The following SEC63 variants were observed in gnomAD, a reference collection of about 807,000 sequenced individuals.
SEC63 encodes the protein SEC63 protein translocation regulator, also known as translocation protein SEC63 homolog.
In SEC63, 56 loss-of-function variants were observed where a neutral mutation model predicts 116.2. The ratio of observed to expected loss-of-function variants is 0.48; its 90% CI spans 0.39 to 0.60. The LOEUF (loss-of-function observed/expected upper bound fraction) is 0.60. Ranked by LOEUF, SEC63 falls within the 20% of genes least tolerant of loss-of-function variation. The pLI, the probability that SEC63 is intolerant of heterozygous loss-of-function variation, is 0.00. For synonymous variants in SEC63, 273 were observed against 294.6 expected (o/e 0.93, Z 0.75); for missense variants, 668 against 900.0 (o/e 0.74, Z 3.30).
intron 4 of SEC63, among the ~76,000 whole-genome samples, chr6:107,917,207 C>A (rs1216672074): frequency 1.3e-5 from 2 of 152,230 alleles, no homozygotes; most frequent in East Asian, 1.9e-4. Context: ...TAATTCGGCC[C>A]ATCCCTTCAT....
chr6:107,900,496 A>C (rs913561374), intron 13 of SEC63, among the ~76,000 whole-genome samples: 1 of 151,998 alleles, frequency 6.6e-6, no homozygotes, highest in Non-Finnish European at 1.5e-5. Context: ...ACAAAAAATA[A>C]AATTAGCCAG....
chr6:107,882,353 G>T (rs568113396), intron 17 of SEC63, among the ~76,000 whole-genome samples: 2 of 152,080 alleles, frequency 1.3e-5, no homozygotes, highest in Non-Finnish European at 2.9e-5. Context: ...TTTGCAGTGA[G>T]CCTCTAAGGA....
chr6:107,906,534 G>A lies in SEC63; in HGVS notation c.875C>T (p.Pro292Leu), dbSNP rs1292976057. 1 of 1,613,250 alleles carries A rather than the reference G, an allele frequency of 6.2e-7. No individual in the cohort carries two copies. Among genetic ancestry groups the A allele is most frequent in the Non-Finnish European group, 8.5e-7 (1 of 1,179,368 alleles). Residue 292 changes from proline (P) to leucine (L), a missense_variant, in exon 10 of 21, where the codon CCA becomes CTA. Physicochemically the swap from Pro to Leu is moderately conservative, Grantham distance 98 (BLOSUM62 -3). Coordinates refer to ENST00000369002, the MANE Select transcript of SEC63 (RefSeq NM_007214.5). ...GSINLKKNEP[P>L]LTCPYSLKAR... The stretch of plus-strand genomic sequence containing the variant: ...CTTCAGGCTATATGGGCAGGTAAGT[G>A]GAGGCTCATTCTTCTTTAAATTAAT...
At chr6:107,898,076 C>A (rs1484157984) in intron 13 of SEC63, among the ~76,000 whole-genome samples, 2 of 151,968 alleles carry the variant, frequency 1.3e-5, no homozygotes, top group East Asian at 3.9e-4. Flanking sequence ...ACCAGCAGGG[C>A]AACATGACAA....
intron 1 of SEC63, among the ~76,000 whole-genome samples, chr6:107,956,560 G>A (rs1217500385): frequency 6.6e-6 from 1 of 152,072 alleles, no homozygotes; most frequent in African/African-American, 2.4e-5. Flanking sequence ...ACTACCCATT[G>A]AGTAAAAAAA....
chr6:107,931,018 TAAGAGTTGTGACAA>T (rs1051103492), intron 1 of SEC63, among the ~76,000 whole-genome samples: 1 of 150,570 alleles, frequency 6.6e-6, no homozygotes, highest in African/African-American at 2.4e-5. Context: ...TAAGTTTACA[TAAGAGTTGTGACAA>T]AAGCTATTAT....
At chr6:107,890,192 T>C (rs1438720673) in intron 16 of SEC63, among the ~76,000 whole-genome samples, 3 of 152,182 alleles carry the variant, frequency 2.0e-5, no homozygotes, top group Non-Finnish European at 4.4e-5. Context: ...ACTATTATTG[T>C]GTGGGAGTCT....
intron 14 of SEC63, among the ~76,000 whole-genome samples, chr6:107,897,114 A>ATTAGGCT (rs1219702850): frequency 3.9e-5 from 6 of 152,204 alleles, no homozygotes; most frequent in Non-Finnish European, 8.8e-5. Flanking sequence ...GTATACATAC[A>ATTAGGCT]TTAGGCTACA....
chr6:107,923,642 G>C (rs1037891881), intron 3 of SEC63, among the ~76,000 whole-genome samples: 1 of 151,456 alleles, frequency 6.6e-6, no homozygotes, highest in African/African-American at 2.4e-5. Flanking sequence ...CTCTCACTTT[G>C]GCCTCCCAAG....
At chr6:107,880,841 G>T (rs1786398303) in intron 18 of SEC63, 1 of 246,622 alleles carries the variant, frequency 4.1e-6, no homozygotes, top group Non-Finnish European at 8.0e-6. Context: ...TTTGTCTGAT[G>T]AAGACTGCCT....
chr6:107,881,451 A>G (rs1786413163), intron 17 of SEC63, among the ~76,000 whole-genome samples: 1 of 152,132 alleles, frequency 6.6e-6, no homozygotes, highest in Non-Finnish European at 1.5e-5. Context: ...TATCAACTAC[A>G]TAGCCGTTCA....
rs1299014714 is a variant in SEC63, at chr6:107,957,916, A to G, written c.94T>C (p.Tyr32His). ...TTCTGATCTCGGGGCCAGAGGTAGT[A>G]TGTCGCCGGGATCACGATGAGCCCC... is the stretch of plus-strand genomic sequence containing the variant. ...FVGLIVIPAT[Y>H]YLWPRDQNAE... The change falls in exon 1 of 21, where the codon TAC becomes CAC. Residue 32 changes from tyrosine to histidine, a missense_variant. Physicochemically the swap from Tyr to His is moderately conservative, Grantham distance 83. Transcript: ENST00000369002. The G allele has an allele frequency of 2.5e-6, 4 of 1,612,948 alleles. No individual in the cohort carries two copies. The East Asian group carries it at 6.7e-5, about 27-fold the overall frequency.
At chr6:107,949,043 T>C (rs919946071) in intron 1 of SEC63, among the ~76,000 whole-genome samples, 2 of 152,204 alleles carry the variant, frequency 1.3e-5, no homozygotes, top group Admixed American at 6.5e-5. Context: ...CTTGTCTGAG[T>C]TGATTTTTCA....
chr6:107,869,019 C>T lies in SEC63; in HGVS notation c.*2685G>A, dbSNP rs1251743853. On this transcript the variant is annotated 3_prime_UTR_variant, in exon 21 of 21. Transcript: ENST00000369002. ...TCATTATATCTCTCCCTCCCTGTTT[C>T]CACATCAGTTGTTTGACATCCACGC... 6.6e-6 allele frequency: 1 copy of T among 152,188 alleles called. No homozygotes were observed. The highest frequency in any genetic ancestry group is 6.5e-5 in the Admixed American group (1 of 15,276). 9.4% of individuals were successfully genotyped at this position (152,188 alleles called of 1,614,324 possible).
chr6:107,891,272 T>A (rs1202640865), intron 16 of SEC63, among the ~76,000 whole-genome samples: 1 of 152,058 alleles, frequency 6.6e-6, no homozygotes, highest in Non-Finnish European at 1.5e-5. Flanking sequence ...TACTTTTCAC[T>A]CTTTTTTCTC....
At chr6:107,898,230 T>A (rs1786911426) in intron 13 of SEC63, among the ~76,000 whole-genome samples, 1 of 149,232 alleles carries the variant, frequency 6.7e-6, no homozygotes, top group African/African-American at 2.5e-5. Flanking sequence ...ACCACTGCAC[T>A]TCAGGGCAAG....
In SEC63 at chr6:107,872,671, CA is replaced by C. The variant is rs754716408; in HGVS notation, c.2139+136del. The stretch of plus-strand genomic sequence containing the variant: ...GTTTATTATTGAAAGAGTAGTCCAT[CA>C]AGTATATCATATATAAAGCATGAGA... On this transcript the variant is annotated intron_variant, in intron 20 of 20. Coordinates refer to ENST00000369002, the MANE Select transcript of SEC63 (RefSeq NM_007214.5). 4 of 620,142 alleles carry C rather than the reference CA, an allele frequency of 6.5e-6. No individual in the cohort carries two copies. The East Asian group carries it at 8.6e-5, about 13-fold the overall frequency. The allele number at this position is 620,142 out of a possible 1,614,324, so 38.4% of individuals were successfully genotyped here.
intron 1 of SEC63, among the ~76,000 whole-genome samples, chr6:107,939,467 T>C (rs1770325921): frequency 6.6e-6 from 1 of 151,920 alleles, no homozygotes; most frequent in Non-Finnish European, 1.5e-5. Context: ...CCAACCAAAT[T>C]GAACTATCAA....
At chr6:107,909,568 C>G (rs1320022494) in intron 7 of SEC63, among the ~76,000 whole-genome samples, 1 of 152,216 alleles carries the variant, frequency 6.6e-6, no homozygotes, top group African/African-American at 2.4e-5. Flanking sequence ...AAACACCAAC[C>G]TAAGTCACTG....
Sources: gnomAD v4.1 joint callset for allele counts (sites outside exome capture counted in the v4.1 genomes callset) on GRCh38, gnomAD v4.1.1 for gene constraint, MANE v1.5 for transcripts, NCBI Gene and HGNC (gene_info 2026-07-23, HGNC 2026-07-21) for gene names.